Variants in JAK2 observed in about 807,000 individuals in gnomAD.
JAK2 encodes the protein Janus kinase 2, also known as tyrosine-protein kinase JAK2.
A neutral mutation model predicts 139.3 loss-of-function variants in JAK2; 86 were observed. That is an observed-to-expected ratio of 0.62 (90% CI 0.52 to 0.74). The LOEUF (loss-of-function observed/expected upper bound fraction) is 0.74, where lower values mean the gene tolerates loss of function less well. Ranked by LOEUF, JAK2 falls within the 30% of genes least tolerant of loss-of-function variation. JAK2 has a pLI of 0.00. For missense variants in JAK2, 1,421 were observed against 1,360.3 expected (o/e 1.04, Z -0.70); for synonymous variants, 490 against 437.7 (o/e 1.12, Z -1.49).
chr9:5,046,866 A>G (rs1391801245), intron 5 of JAK2, among the ~76,000 whole-genome samples: 1 of 152,206 alleles, frequency 6.6e-6, no homozygotes, highest in Non-Finnish European at 1.5e-5. Context: ...CTGCAGAGCT[A>G]GTATATTTTG....
rs1563937858 is a variant in JAK2, at chr9:5,029,771, C to T, written c.227-12C>T. ...GTACCTTTAATAATTCCTTTCTCTG[C>T]TTCTTTTCTAGGTATCACACCTGTG... is the stretch of plus-strand genomic sequence containing the variant. On this transcript the variant is annotated splice_polypyrimidine_tract_variant and intron_variant, in intron 3 of 24. Coordinates refer to ENST00000381652, the MANE Select transcript of JAK2 (RefSeq NM_004972.4). 1.3e-6 allele frequency: 2 copies of T among 1,598,406 alleles called. No homozygotes were observed. Among genetic ancestry groups the T allele is most frequent in the Middle Eastern group, 1.7e-4 (1 of 5,978 alleles).
intron 4 of JAK2, among the ~76,000 whole-genome samples, chr9:5,042,987 G>C (rs7033053): frequency 6.6e-6 from 1 of 152,032 alleles, no homozygotes; most frequent in East Asian, 1.9e-4. Context: ...AGAAGCTGAG[G>C]GGGGTGGGCC....
intron 22 of JAK2, among the ~76,000 whole-genome samples, chr9:5,103,660 C>T (rs1163429388): frequency 6.6e-6 from 1 of 151,962 alleles, no homozygotes; most frequent in Non-Finnish European, 1.5e-5. Context: ...AAATAGACCA[C>T]ATAGAAGTAA....
In JAK2 at chr9:5,022,213, GGTAA is replaced by G; in HGVS notation, c.226+4_226+7del. The G allele has an allele frequency of 6.2e-7, 1 of 1,609,542 alleles. No individual in the cohort carries two copies. Among genetic ancestry groups the G allele is most frequent in the Non-Finnish European group, 8.5e-7 (1 of 1,176,222 alleles). On this transcript the variant is annotated splice_donor_variant and splice_donor_region_variant and intron_variant, in intron 3 of 24. Coordinates refer to ENST00000381652, the MANE Select transcript of JAK2 (RefSeq NM_004972.4). LOFTEE classifies it high-confidence loss of function. ...CTGTATTGCTGCTTCTAAAGCTTGTGGTAAGTATTAAAAAACAGCATTTTCCTTT... is the reference window on the plus strand; with the variant it reads ...CTGTATTGCTGCTTCTAAAGCTTGTGGTATTAAAAAACAGCATTTTCCTTT...
chr9:5,015,263 T>C (rs1465314224), intron 2 of JAK2, among the ~76,000 whole-genome samples: 5 of 152,236 alleles, frequency 3.3e-5, no homozygotes, highest in Non-Finnish European at 4.4e-5. Context: ...GGTGTAAATA[T>C]GCATGAAGTT....
In JAK2 at chr9:5,014,312, A is replaced by C. The variant is rs74743090; in HGVS notation, c.-25-7651A>C. Among the ~76,000 whole-genome samples, 58 of 150,972 alleles carry C rather than the reference A, an allele frequency of 3.8e-4. 2 individuals are homozygous for C. The East Asian group carries it at 0.011, about 29-fold the overall frequency. On this transcript the variant is annotated intron_variant, in intron 2 of 24. Coordinates refer to ENST00000381652, the MANE Select transcript of JAK2 (RefSeq NM_004972.4). The stretch of plus-strand genomic sequence containing the variant: ...AGCCACTGTACCCAGCCTCTTATTT[A>C]CTCTTTATTCAACAGATTTGTTAAT...
chr9:5,112,028 T>C, intron 22 of JAK2: 2 of 407,252 alleles, frequency 4.9e-6, no homozygotes, highest in African/African-American at 2.1e-5. Context: ...CAGGAGTCCC[T>C]GGTGCCTTAT....
chr9:5,084,629 G>A (rs888762949), intron 19 of JAK2, among the ~76,000 whole-genome samples: 2 of 152,070 alleles, frequency 1.3e-5, no homozygotes, highest in African/African-American at 4.8e-5. Context: ...GAAATCTAGA[G>A]TGTTTTTTGC....
intron 3 of JAK2, among the ~76,000 whole-genome samples, chr9:5,029,515 T>C (rs533197038): frequency 1.6e-4 from 25 of 152,214 alleles, no homozygotes; most frequent in Non-Finnish European, 3.2e-4. Context: ...ACACTTGCTC[T>C]AAATCCTTAT....
At chr9:5,070,681 C>A (rs1227566278) in intron 12 of JAK2, among the ~76,000 whole-genome samples, 1 of 151,916 alleles carries the variant, frequency 6.6e-6, no homozygotes, top group African/African-American at 2.4e-5. Flanking sequence ...AGATGCAGAA[C>A]CCGCCCTGCC....
chr9:4,988,436 G>T (rs1179001687), intron 2 of JAK2, among the ~76,000 whole-genome samples: 2 of 152,176 alleles, frequency 1.3e-5, no homozygotes, highest in Admixed American at 1.3e-4. Flanking sequence ...AAGTTCTACA[G>T]TGCTCTACAC....
intron 4 of JAK2, among the ~76,000 whole-genome samples, chr9:5,032,253 G>T (rs1225539209): frequency 6.6e-6 from 1 of 152,248 alleles, no homozygotes; most frequent in African/African-American, 2.4e-5. Flanking sequence ...CAGCCAGGAA[G>T]CTCAAACTGG....
chr9:5,111,411 C>G, intron 22 of JAK2: 1 of 401,960 alleles, frequency 2.5e-6, no homozygotes, highest in Non-Finnish European at 4.8e-6. Context: ...GGCCTGGACA[C>G]GCAGCCCACG....
chr9:5,018,043 C>A (rs1003031360), intron 2 of JAK2, among the ~76,000 whole-genome samples: 2 of 152,070 alleles, frequency 1.3e-5, no homozygotes, highest in Non-Finnish European at 2.9e-5. Context: ...GTTTTTTAGT[C>A]CATTTAGCCA....
intron 4 of JAK2, among the ~76,000 whole-genome samples, chr9:5,031,179 C>T (rs1203149262): frequency 6.6e-6 from 1 of 152,066 alleles, no homozygotes; most frequent in Admixed American, 6.6e-5. Context: ...AATCAAAATC[C>T]TAACAAAGGC....
intron 16 of JAK2, among the ~76,000 whole-genome samples, chr9:5,078,776 C>A (rs750585771): frequency 6.6e-6 from 1 of 152,142 alleles, no homozygotes. Context: ...CTTTTCTTCT[C>A]GTCACTAAAT....
In JAK2 at chr9:5,039,009, A is replaced by G. The variant is rs143348028; in HGVS notation, c.351-5394A>G. ...ATAGGAATGGCAAGGAACTTCCTCA[A>G]TTTGTTAAAGGGCATCTGTAAAAAA... is the stretch of plus-strand genomic sequence containing the variant. On this transcript the variant is annotated intron_variant, in intron 4 of 24. Transcript: ENST00000381652. Among the ~76,000 whole-genome samples the G allele has an allele frequency of 8.4e-3, 1,283 of 152,230 alleles. 9 individuals are homozygous for G. The highest frequency in any genetic ancestry group is 0.012 in the Non-Finnish European group (782 of 67,954).
chr9:5,069,120 A>G lies in JAK2; in HGVS notation c.1425A>G (p.Lys475=), dbSNP rs759399407. 3.1e-6 allele frequency: 5 copies of G among 1,612,958 alleles called. No individual in the cohort carries two copies. Among genetic ancestry groups the G allele is most frequent in the Non-Finnish European group, 4.2e-6 (5 of 1,179,148 alleles). Residue 475 remains lysine, a synonymous_variant, in exon 11 of 25, where the codon AAA becomes AAG. Transcript: ENST00000381652. The part of the protein sequence containing the change: ...SGTKKNFSSL[K]DLLNCYQMET... ...CAAAGAAGAACTTCAGCAGTCTTAA[A>G]GATCTTTTGAATTGTTACCAGATGG...
intron 22 of JAK2, among the ~76,000 whole-genome samples, chr9:5,104,304 G>C (rs1821776194): frequency 6.6e-6 from 1 of 152,164 alleles, no homozygotes; most frequent in African/African-American, 2.4e-5. Flanking sequence ...AAATAAACTA[G>C]AAAATCTAGA....
Sources: gnomAD v4.1 joint callset for allele counts (sites outside exome capture counted in the v4.1 genomes callset) on GRCh38, gnomAD v4.1.1 for gene constraint, MANE v1.5 for transcripts, NCBI Gene and HGNC (gene_info 2026-07-23, HGNC 2026-07-21) for gene names.